Variants in AMPH observed in about 807,000 individuals in gnomAD.
AMPH encodes the protein amphiphysin.
Under a neutral mutation model 99.1 loss-of-function variants are expected in AMPH, and 49 were observed. The observed-to-expected ratio is 0.49, with a 90% confidence interval of 0.39 to 0.63. The LOEUF (loss-of-function observed/expected upper bound fraction) is 0.63, where lower values mean the gene tolerates loss of function less well. AMPH is among the 20% of genes least tolerant of loss of function. The pLI is 0.00. For synonymous variants in AMPH, 314 were observed against 317.3 expected (o/e 0.99, Z 0.11); for missense variants, 759 against 863.4 (o/e 0.88, Z 1.52).
intron 1 of AMPH, among the ~76,000 whole-genome samples, chr7:38,620,368 G>C (rs890906163): frequency 4.1e-4 from 60 of 147,540 alleles, no homozygotes; most frequent in African/African-American, 1.4e-3. Context: ...GTGTGTCTGT[G>C]TGTGTGTGTT....
chr7:38,479,171 T>A (rs1256745907), intron 5 of AMPH, among the ~76,000 whole-genome samples: 4 of 151,804 alleles, frequency 2.6e-5, no homozygotes, highest in African/African-American at 9.7e-5. Context: ...TACATCATAG[T>A]CAAACTACTT....
At chr7:38,479,002 A>C (rs1788190506) in intron 5 of AMPH, among the ~76,000 whole-genome samples, 1 of 152,172 alleles carries the variant, frequency 6.6e-6, no homozygotes, top group Non-Finnish European at 1.5e-5. Context: ...GGTCTAACAT[A>C]ATATAATTGA....
intron 1 of AMPH, among the ~76,000 whole-genome samples, chr7:38,560,983 C>T (rs1250478128): frequency 4.6e-5 from 7 of 152,198 alleles, no homozygotes; most frequent in Non-Finnish European, 1.0e-4. Flanking sequence ...ACTTTAAAAA[C>T]CCATGCTTTC....
At chr7:38,474,673 A>C (rs934464078) in intron 7 of AMPH, among the ~76,000 whole-genome samples, 4 of 152,206 alleles carry the variant, frequency 2.6e-5, no homozygotes, top group Non-Finnish European at 5.9e-5. Context: ...TGGGAGCATG[A>C]GGATGCTGAC....
At chr7:38,589,051 G>A (rs1792764071) in intron 1 of AMPH, among the ~76,000 whole-genome samples, 1 of 152,030 alleles carries the variant, frequency 6.6e-6, no homozygotes, top group Non-Finnish European at 1.5e-5. Flanking sequence ...ACTCACAAAA[G>A]TAGGTGAGTC....
At chr7:38,581,247 G>C (rs79284505) in intron 1 of AMPH, among the ~76,000 whole-genome samples, 2,380 of 152,238 alleles carry the variant, frequency 0.016, 49 homozygotes, top group Non-Finnish European at 0.022. Context: ...AGCAGGAAAG[G>C]GGGGAAAGAG....
intron 11 of AMPH, among the ~76,000 whole-genome samples, chr7:38,453,637 T>G (rs935263400): frequency 6.6e-6 from 1 of 152,136 alleles, no homozygotes; most frequent in Admixed American, 6.5e-5. Context: ...GAAAAAACAT[T>G]TAAAAAGAAA....
intron 1 of AMPH, among the ~76,000 whole-genome samples, chr7:38,561,771 T>C (rs568543631): frequency 6.6e-6 from 1 of 152,176 alleles, no homozygotes; most frequent in South Asian, 2.1e-4. Context: ...GCCCCCATAA[T>C]GAGATTAACG....
chr7:38,448,163 G>T (rs557316905), intron 11 of AMPH, among the ~76,000 whole-genome samples: 3 of 152,242 alleles, frequency 2.0e-5, no homozygotes, highest in South Asian at 4.1e-4. Flanking sequence ...GTTTACCTTC[G>T]TGGTTAGAAG....
chr7:38,460,528 A>G (rs550825205), intron 11 of AMPH, among the ~76,000 whole-genome samples: 1 of 152,314 alleles, frequency 6.6e-6, no homozygotes, highest in African/African-American at 2.4e-5. Flanking sequence ...ATCAAAAAAG[A>G]ATGAAATAAT....
chr7:38,488,882 G>A (rs954129675), intron 5 of AMPH, among the ~76,000 whole-genome samples: 1 of 152,234 alleles, frequency 6.6e-6, no homozygotes, highest in Middle Eastern at 3.4e-3. Context: ...TGGGTGCACA[G>A]ACTGAAAGAC....
chr7:38,625,580 T>G (rs571434125), intron 1 of AMPH, among the ~76,000 whole-genome samples: 63 of 152,196 alleles, frequency 4.1e-4, no homozygotes, highest in Admixed American at 9.2e-4. Flanking sequence ...GATAAAGAAC[T>G]CATATCCTGA....
intron 2 of AMPH, among the ~76,000 whole-genome samples, chr7:38,529,320 A>G (rs1790307220): frequency 6.6e-6 from 1 of 152,258 alleles, no homozygotes; most frequent in African/African-American, 2.4e-5. Context: ...AACCAGAGGA[A>G]GCACTTGTAA....
At chr7:38,486,957 TAC>T (rs1372912332) in intron 5 of AMPH, among the ~76,000 whole-genome samples, 2 of 152,074 alleles carry the variant, frequency 1.3e-5, no homozygotes, top group Admixed American at 1.3e-4. Flanking sequence ...ATGAAAAGCT[TAC>T]AGTTAACATC....
At chr7:38,484,255 T>C (rs1756514276) in intron 5 of AMPH, among the ~76,000 whole-genome samples, 2 of 152,026 alleles carry the variant, frequency 1.3e-5, no homozygotes, top group Non-Finnish European at 2.9e-5. Flanking sequence ...TTCATTCAAA[T>C]TCAGGAAGCC....
At chr7:38,569,716 G>A (rs1437730409) in intron 1 of AMPH, among the ~76,000 whole-genome samples, 1 of 152,114 alleles carries the variant, frequency 6.6e-6, no homozygotes, top group Non-Finnish European at 1.5e-5. Context: ...GACAGGTGGG[G>A]AGGTATAAAC....
Position 38,476,975 on chromosome 7 carries a change from A to G in AMPH, c.397-6T>C. The G allele has an allele frequency of 6.2e-7, 1 of 1,612,570 alleles. No individual in the cohort carries two copies. Among genetic ancestry groups the G allele is most frequent in the Non-Finnish European group, 8.5e-7 (1 of 1,178,822 alleles). ...CTGCGCTTGGCGATGCGATTCTGTC[A>G]ACAGGAAATGCACTCACTAAGAAAG... is the stretch of plus-strand genomic sequence containing the variant. On this transcript the variant is annotated splice_polypyrimidine_tract_variant and splice_region_variant and intron_variant, in intron 5 of 20. Coordinates refer to ENST00000356264, the MANE Select transcript of AMPH (RefSeq NM_001635.4).
chr7:38,413,974 C>T (rs1785291079), intron 17 of AMPH, among the ~76,000 whole-genome samples: 2 of 152,188 alleles, frequency 1.3e-5, no homozygotes, highest in African/African-American at 2.4e-5. Context: ...CTCTGTGTAA[C>T]GTGCATCTCA....
At chr7:38,515,450 T>C (rs1789701666) in intron 2 of AMPH, among the ~76,000 whole-genome samples, 3 of 152,178 alleles carry the variant, frequency 2.0e-5, no homozygotes, top group Admixed American at 2.0e-4. Flanking sequence ...ACAAGTAAGA[T>C]ATGCCTCCTT....
Sources: gnomAD v4.1 joint callset for allele counts (sites outside exome capture counted in the v4.1 genomes callset) on GRCh38, gnomAD v4.1.1 for gene constraint, MANE v1.5 for transcripts, NCBI Gene and HGNC (gene_info 2026-07-23, HGNC 2026-07-21) for gene names.